PAQR3: variants seen among roughly 807,000 people sequenced by gnomAD.
PAQR3 encodes Raf kinase trapping to Golgi.
In PAQR3, 39 loss-of-function variants were observed where a neutral mutation model predicts 41.7. The ratio of observed to expected loss-of-function variants is 0.93; its 90% CI spans 0.72 to 1.22. PAQR3 has a LOEUF of 1.22. PAQR3 is among the 50% of genes most tolerant of loss of function. The pLI, the probability that PAQR3 is intolerant of heterozygous loss-of-function variation, is 0.00. For synonymous variants in PAQR3, 140 were observed against 140.6 expected, an observed-to-expected ratio of 1.00 and a Z score of 0.03; for missense variants, 366 against 385.6, an observed-to-expected ratio of 0.95 and a Z score of 0.42.
chr4:78,917,862 TG>T lies in PAQR3; in HGVS notation c.*2676del. ...GCCATAAGATGTGACAGACATTCCC[TG>T]AATCTTCGTTCCTGATTCTAAAATA... On this transcript the variant is annotated 3_prime_UTR_variant, in exon 6 of 6. Coordinates refer to ENST00000512733, the MANE Select transcript of PAQR3 (RefSeq NM_001040202.2). 1.0e-6 allele frequency: 1 copy of T among 985,478 alleles called. No homozygotes were observed. Among genetic ancestry groups the T allele is most frequent in the Non-Finnish European group, 1.2e-6 (1 of 829,656 alleles). 61.0% of individuals were successfully genotyped at this position (985,478 alleles called of 1,614,324 possible).
chr4:78,892,793 T>TA (rs1246199016), intron 11 of PAQR3, among the ~76,000 whole-genome samples: 1 of 152,132 alleles, frequency 6.6e-6, no homozygotes, highest in African/African-American at 2.4e-5. Flanking sequence ...ATATTATGTC[T>TA]AAAAAAATGT....
downstream of PAQR3, chr4:78,910,544 A>C (rs1388284306): frequency 3.1e-6 from 4 of 1,276,994 alleles, no homozygotes; most frequent in Non-Finnish European, 4.2e-6. Context: ...ATACATATTA[A>C]CATTTAGTGC....
intron 11 of PAQR3, among the ~76,000 whole-genome samples, chr4:78,892,868 G>C (rs1733515749): frequency 6.6e-6 from 1 of 152,166 alleles, no homozygotes; most frequent in South Asian, 2.1e-4. Flanking sequence ...ACCTTCAGCT[G>C]GTTGTAATCT....
intron 11 of PAQR3, among the ~76,000 whole-genome samples, chr4:78,888,361 G>T (rs1048327116): frequency 2.6e-5 from 4 of 152,128 alleles, no homozygotes; most frequent in African/African-American, 9.7e-5. Flanking sequence ...AATACCCTGG[G>T]TAATGGAATT....
intron 2 of PAQR3, among the ~76,000 whole-genome samples, chr4:78,933,962 C>T (rs975948204): frequency 3.1e-4 from 47 of 152,124 alleles, no homozygotes; most frequent in African/African-American, 1.1e-3. Flanking sequence ...TTATTAATAG[C>T]ATGTTAATCT....
At chr4:78,901,199 A>T (rs1260179305) in intron 11 of PAQR3, among the ~76,000 whole-genome samples, 2 of 151,738 alleles carry the variant, frequency 1.3e-5, no homozygotes, top group Non-Finnish European at 1.5e-5. Context: ...GTGCACCACC[A>T]TTCTCAGCTA....
downstream of PAQR3, among the ~76,000 whole-genome samples, chr4:78,909,055 C>CTTT (rs1053664659): frequency 9.6e-3 from 908 of 94,392 alleles, 30 homozygotes; most frequent in African/African-American, 0.027. Flanking sequence ...TTCCCTTAGT[C>CTTT]TTTTTTTTTT....
At chr4:78,924,049 T>A in intron 4 of PAQR3, 102 bp from the exon 5 acceptor site, 2 of 883,756 alleles carry the variant, frequency 2.3e-6, no homozygotes, top group East Asian at 5.1e-5. Context: ...AAATCTGAAC[T>A]GTTTTGCAGA....
intron 3 of PAQR3, among the ~76,000 whole-genome samples, chr4:78,928,371 A>G (rs112344646): frequency 6.6e-6 from 1 of 152,244 alleles, no homozygotes; most frequent in African/African-American, 2.4e-5. Flanking sequence ...TTACCTGCAT[A>G]TATTTTTAAT....
chr4:78,895,750 A>G (rs1733669055), intron 11 of PAQR3, among the ~76,000 whole-genome samples: 1 of 152,164 alleles, frequency 6.6e-6, no homozygotes, highest in African/African-American at 2.4e-5. Flanking sequence ...TAATTTTTAT[A>G]TGAACACAGC....
chr4:78,892,415 G>T (rs1733487253), intron 11 of PAQR3, among the ~76,000 whole-genome samples: 1 of 152,052 alleles, frequency 6.6e-6, no homozygotes, highest in South Asian at 2.1e-4. Context: ...AAATGTGGAG[G>T]ATCTATTCTG....
downstream of PAQR3, chr4:78,910,945 CAT>C (rs1485022963): frequency 1.2e-6 from 2 of 1,613,606 alleles, no homozygotes; most frequent in South Asian, 2.2e-5. Flanking sequence ...AGAGGAGAAA[CAT>C]AGCTCTGATT....
chr4:78,926,636 G>A lies in PAQR3; in HGVS notation c.587C>T (p.Thr196Met), dbSNP rs1246093505. ...AGAACGGAGCCTTTGCCATTGCTGCGTGAGGTAATTGGGATGAATCTGCGC... is the reference window on the plus strand; with the variant it reads ...AGAACGGAGCCTTTGCCATTGCTGCATGAGGTAATTGGGATGAATCTGCGC... ...FFAQIHPNYL[T>M]QQWQRLRSII... The change falls in exon 4 of 6, where the codon ACG becomes ATG. Residue 196 changes from threonine to methionine, a missense_variant. Coordinates refer to ENST00000512733, the MANE Select transcript of PAQR3 (RefSeq NM_001040202.2). The A allele has an allele frequency of 1.9e-6, 3 of 1,613,892 alleles. No homozygotes were observed. Among genetic ancestry groups the A allele is most frequent in the Non-Finnish European group, 1.7e-6 (2 of 1,179,834 alleles).
At chr4:78,898,541 A>T (rs183562648) in intron 11 of PAQR3, among the ~76,000 whole-genome samples, 2 of 151,086 alleles carry the variant, frequency 1.3e-5, no homozygotes, top group East Asian at 4.0e-4. Flanking sequence ...GAATATGATT[A>T]ATACAGTCTA....
chr4:78,935,103 A>G lies in PAQR3; in HGVS notation c.348+18T>C, dbSNP rs1179716901. 6.2e-7 allele frequency: 1 copy of G among 1,610,548 alleles called. No individual in the cohort carries two copies. Among genetic ancestry groups the G allele is most frequent in the Non-Finnish European group, 8.5e-7 (1 of 1,178,722 alleles). ...AAAAGTTCTCTTTACCAACAGCAGT[A>G]TTTGTGAAATGACTTACCTGGAAGC... is the stretch of plus-strand genomic sequence containing the variant. On this transcript the variant is annotated intron_variant, in intron 2 of 5. Transcript: ENST00000512733.
Position 78,939,044 on chromosome 4 carries a change from T to C in PAQR3, c.181A>G (p.Lys61Glu), listed in dbSNP as rs1737748425. 2 of 1,601,722 alleles carry C rather than the reference T, an allele frequency of 1.2e-6. No homozygotes were observed. Among genetic ancestry groups the C allele is most frequent in the Non-Finnish European group, 1.7e-6 (2 of 1,171,252 alleles). ...GCGGAGGCAGCCAGACCGTACCTTT[T>C]GATACACAGCCTGGACGGCAGGTAG... Reference protein sequence around the residue: ...RAYLPSRLCIKSLFILSNETV... With the variant: ...RAYLPSRLCIESLFILSNETV... The change falls in exon 1 of 6, where the codon AAA becomes GAA. Residue 61 changes from lysine to glutamate, a missense_variant. Coordinates refer to ENST00000512733, the MANE Select transcript of PAQR3 (RefSeq NM_001040202.2).
At position 78,926,672 on chromosome 4, in the gene PAQR3, G is replaced by C; in HGVS notation, c.551C>G (p.Ala184Gly). The change falls in exon 4 of 6, where the codon GCA becomes GGA. Residue 184 changes from alanine to glycine, a missense_variant. Coordinates refer to ENST00000512733, the MANE Select transcript of PAQR3 (RefSeq NM_001040202.2). ...GGGATGAATCTGCGCAAAGAACACT[G>C]CCAGGATCATAGCAAGCACTGTGAT... The part of the protein sequence containing the change: ...YLITVLAMIL[A>G]VFFAQIHPNY... 1 of 1,614,004 alleles carries C rather than the reference G, an allele frequency of 6.2e-7. No homozygotes were observed. The highest frequency in any genetic ancestry group is 1.1e-5 in the South Asian group (1 of 91,070).
chr4:78,917,232 T>C lies in PAQR3; in HGVS notation c.*3307A>G, dbSNP rs990842547. ...TAGTTAATATTCTCATATTGAAAGC[T>C]TGAGCTTGTATTTGTTGTTACATAT... On this transcript the variant is annotated 3_prime_UTR_variant, in exon 6 of 6. Transcript: ENST00000512733. 2.0e-5 allele frequency: 3 copies of C among 151,944 alleles called. No individual in the cohort carries two copies. Among genetic ancestry groups the C allele is most frequent in the Admixed American group, 2.0e-4 (3 of 15,196 alleles). The allele number at this position is 151,944 out of a possible 1,614,324, so 9.4% of individuals were successfully genotyped here. A position where few individuals can be genotyped will look rare whatever the true frequency, so the allele number is the denominator to read the frequency against.
intron 11 of PAQR3, among the ~76,000 whole-genome samples, chr4:78,896,349 T>C (rs72660914): frequency 4.6e-5 from 7 of 152,342 alleles, no homozygotes; most frequent in South Asian, 2.1e-4. Context: ...ATTGTACTTA[T>C]ATTTAAAAAT....
Sources: allele counts gnomAD v4.1 joint callset (sites outside exome capture counted in the v4.1 genomes callset), GRCh38; gene constraint gnomAD v4.1.1; transcripts MANE v1.5; gene names NCBI Gene and HGNC (gene_info 2026-07-23, HGNC 2026-07-21).